The following CENPC variants were observed in gnomAD, a reference collection of about 807,000 sequenced individuals.
CENPC encodes the protein CENP-C 1.
A neutral mutation model predicts 112.1 loss-of-function variants in CENPC; 63 were observed. The observed-to-expected ratio is 0.56, with a 90% confidence interval of 0.46 to 0.69. The LOEUF (loss-of-function observed/expected upper bound fraction) is 0.69. CENPC is among the 30% of genes least tolerant of loss of function. CENPC has a pLI of 0.00. For synonymous variants in CENPC, 333 were observed against 367.6 expected (o/e 0.91, Z 1.08); for missense variants, 1,000 against 1,103.8 (o/e 0.91, Z 1.33).
At chr4:67,534,394 A>C (rs1350557264) in intron 4 of CENPC, among the ~76,000 whole-genome samples, 1 of 152,106 alleles carries the variant, frequency 6.6e-6, no homozygotes, top group Non-Finnish European at 1.5e-5. Context: ...CCAGCCCAGG[A>C]GTGCTTTTTC....
chr4:67,521,204 C>CA (rs71219050), intron 5 of CENPC, among the ~76,000 whole-genome samples: 112,565 of 131,344 alleles, frequency 0.86, 48,044 homozygotes, highest in Admixed American at 0.92. Flanking sequence ...CAAAACAAAC[C>CA]AAAAAAAAAA....
chr4:67,491,450 T>TATATATAA (rs1458585564), intron 16 of CENPC, among the ~76,000 whole-genome samples: 2 of 28,910 alleles, frequency 6.9e-5, no homozygotes, highest in African/African-American at 2.3e-4. Context: ...ATATTTCATA[T>TATATATAA]ATATATATAT....
chr4:67,471,467 G>A lies in CENPC; in HGVS notation c.*1138C>T, dbSNP rs1341319523. On this transcript the variant is annotated 3_prime_UTR_variant, in exon 19 of 19. Coordinates refer to ENST00000273853, the MANE Select transcript of CENPC (RefSeq NM_001812.4). ...CATTCAGTGAAAACTAAATCTGTAT[G>A]GGCCCAGATACTTGATTAGTCAAGC... The A allele has an allele frequency of 2.6e-5, 4 of 151,948 alleles. No individual in the cohort carries two copies. The highest frequency in any genetic ancestry group is 2.0e-4 in the Admixed American group (3 of 15,252). The allele number at this position is 151,948 out of a possible 1,614,324, so 9.4% of individuals were successfully genotyped here.
rs1726156035 is a variant in CENPC at position 67,519,395 on chromosome 4, C to T, written c.439G>A (p.Glu147Lys). The change falls in exon 6 of 19, where the codon GAA becomes AAA. Residue 147 changes from glutamate (E) to lysine (K), a missense_variant. Coordinates refer to ENST00000273853, the MANE Select transcript of CENPC (RefSeq NM_001812.4). ...GATAAGTAAAATTCTTCATCAGCTT[C>T]ACTGTGATGATCATTTATGTTTCTA... ...SSRNINDHHS[E>K]ADEEFYLSVG... 2.5e-6 allele frequency: 4 copies of T among 1,613,034 alleles called. No individual in the cohort carries two copies. The South Asian group carries it at 4.4e-5, about 18-fold the overall frequency.
In CENPC at chr4:67,468,861, C is replaced by G. The variant is rs539802936; in HGVS notation, c.*3744G>C. 6.6e-6 allele frequency: 1 copy of G among 152,250 alleles called. No homozygotes were observed. Among genetic ancestry groups the G allele is most frequent in the Admixed American group, 6.5e-5 (1 of 15,302 alleles). 9.4% of individuals were successfully genotyped at this position (152,250 alleles called of 1,614,324 possible). On this transcript the variant is annotated 3_prime_UTR_variant, in exon 19 of 19. Coordinates refer to ENST00000273853, the MANE Select transcript of CENPC (RefSeq NM_001812.4). ...AGAAATGAGCTATTGATAGGTATAA[C>G]TGCTTGGATGATCTTAAGGGCTTTA...
chr4:67,544,063 G>T, intron 2 of CENPC, 86 bp downstream of exon 2: 1 of 723,538 alleles, frequency 1.4e-6, no homozygotes, highest in South Asian at 1.5e-5. Flanking sequence ...ATATTAGTCA[G>T]AGGTGATAGT....
In CENPC at chr4:67,505,210, C is replaced by A; in HGVS notation, c.2126G>T (p.Ser709Ile). The change falls in exon 12 of 19, where the codon AGT (serine) becomes ATT (isoleucine). Residue 709 changes from serine (S) to isoleucine (I), a missense_variant. By Grantham distance (142) the Ser-to-Ile change is moderately radical (BLOSUM62 -2). Coordinates refer to ENST00000273853, the MANE Select transcript of CENPC (RefSeq NM_001812.4). ...NDVDDEEVHG[S>I]SDDSKQSKVI... The stretch of plus-strand genomic sequence containing the variant: ...GAAAAAAAACAATAGTTTACCTGAA[C>A]TTCCATGAACTTCCTCATCATCCAC... 6.4e-7 allele frequency: 1 copy of A among 1,570,924 alleles called. No individual in the cohort carries two copies. The highest frequency in any genetic ancestry group is 8.6e-7 in the Non-Finnish European group (1 of 1,156,862).
intron 7 of CENPC, among the ~76,000 whole-genome samples, chr4:67,516,960 T>C (rs956051228): frequency 2.0e-4 from 30 of 151,978 alleles, no homozygotes; most frequent in Non-Finnish European, 5.9e-5. Context: ...CTTTACTCAC[T>C]AGAGTATCAA....
At chr4:67,475,040 C>A in intron 17 of CENPC, 62 bp from the exon 18 acceptor site, 6 of 790,234 alleles carry the variant, frequency 7.6e-6, no homozygotes, top group South Asian at 1.7e-5. Context: ...TCAAAGGAAC[C>A]TTAAAATGTA....
At chr4:67,524,151 T>C (rs571099751) in intron 5 of CENPC, among the ~76,000 whole-genome samples, 3 of 151,682 alleles carry the variant, frequency 2.0e-5, no homozygotes, top group Non-Finnish European at 2.9e-5. Flanking sequence ...TCTAACAAAA[T>C]TGACAACTAT....
chr4:67,493,103 A>G (rs1725329086), intron 14 of CENPC, 106 bp from the exon 15 acceptor site: 2 of 863,342 alleles, frequency 2.3e-6, no homozygotes, highest in Middle Eastern at 3.7e-4. Context: ...ACCAAAGAAT[A>G]TATGTCTGCA....
intron 17 of CENPC, among the ~76,000 whole-genome samples, chr4:67,476,166 T>G (rs1217244336): frequency 6.6e-6 from 1 of 152,168 alleles, no homozygotes; most frequent in Non-Finnish European, 1.5e-5. Flanking sequence ...TAGGACTAAC[T>G]TGCAGCTCCC....
At chr4:67,528,077 T>C (rs903331790) in intron 5 of CENPC, among the ~76,000 whole-genome samples, 1 of 152,160 alleles carries the variant, frequency 6.6e-6, no homozygotes. Context: ...CATGGTTATA[T>C]AGCTTAAAGA....
chr4:67,495,827 G>A (rs919184159), intron 12 of CENPC, among the ~76,000 whole-genome samples: 5 of 152,176 alleles, frequency 3.3e-5, no homozygotes, highest in African/African-American at 7.2e-5. Flanking sequence ...TTAGCAGTGT[G>A]CCAATAAGCT....
intron 17 of CENPC, among the ~76,000 whole-genome samples, chr4:67,488,107 T>G (rs918212992): frequency 3.3e-5 from 5 of 151,798 alleles, no homozygotes; most frequent in African/African-American, 9.7e-5. Flanking sequence ...CTTCAAGATT[T>G]TATTTACATT....
chr4:67,526,315 T>A (rs1442171041), intron 5 of CENPC, among the ~76,000 whole-genome samples: 7 of 151,082 alleles, frequency 4.6e-5, no homozygotes, highest in Non-Finnish European at 1.0e-4. Flanking sequence ...AGCACATGTA[T>A]CCCAGAACTT....
intron 8 of CENPC, among the ~76,000 whole-genome samples, chr4:67,513,754 G>A (rs1409608584): frequency 6.6e-6 from 1 of 151,938 alleles, no homozygotes; most frequent in Non-Finnish European, 1.5e-5. Context: ...ACGGTACCCT[G>A]GGATTTTTTT....
chr4:67,524,111 GA>G (rs1256599695), intron 5 of CENPC, among the ~76,000 whole-genome samples: 2 of 151,300 alleles, frequency 1.3e-5, no homozygotes, highest in South Asian at 2.1e-4. Context: ...ACTATTGCAG[GA>G]AAAAAAACTA....
In CENPC at chr4:67,514,669, C is replaced by T. The variant is rs761234577; in HGVS notation, c.849G>A (p.Ala283=). Residue 283 remains alanine, a synonymous_variant, in exon 8 of 19, where the codon GCG becomes GCA. Transcript: ENST00000273853. ...KSESSPIVRH[A]ATAPPHSCPP... is the part of the protein sequence containing the mutation. The stretch of plus-strand genomic sequence containing the variant: ...GACACGAATGAGGTGGAGCAGTTGC[C>T]GCATGCCTAACAATGGGACTGAAAC... 108 of 1,606,992 alleles carry T rather than the reference C, an allele frequency of 6.7e-5. No homozygotes were observed. Among genetic ancestry groups the T allele is most frequent in the Admixed American group, 2.0e-4 (12 of 59,360 alleles).
Sources: allele counts gnomAD v4.1 joint callset (sites outside exome capture counted in the v4.1 genomes callset), GRCh38; gene constraint gnomAD v4.1.1; transcripts MANE v1.5; gene names NCBI Gene and HGNC (gene_info 2026-07-23, HGNC 2026-07-21).